Variants in CC2D2A observed in about 807,000 individuals in gnomAD.
CC2D2A encodes the protein coiled-coil and C2 domain containing 2A.
A neutral mutation model predicts 212.9 loss-of-function variants in CC2D2A; 155 were observed. The observed-to-expected ratio is 0.73, with a 90% CI of 0.64 to 0.83. The LOEUF (loss-of-function observed/expected upper bound fraction) is 0.83. Ranked by LOEUF, CC2D2A falls within the 40% of genes least tolerant of loss-of-function variation. CC2D2A has a pLI of 0.00. For missense variants in CC2D2A, 1,856 were observed against 1,956.2 expected, an observed-to-expected ratio of 0.95 and a Z score of 0.97; for synonymous variants, 667 against 686.5, an observed-to-expected ratio of 0.97 and a Z score of 0.44.
chr4:15,493,321 T>C (rs1715427564), intron 4 of CC2D2A, among the ~76,000 whole-genome samples: 1 of 152,096 alleles, frequency 6.6e-6, no homozygotes, highest in Admixed American at 6.6e-5. Flanking sequence ...CAGGCTGGAG[T>C]GCAGTGGTGC....
At chr4:15,525,005 T>C (rs1717432042) in intron 11 of CC2D2A, among the ~76,000 whole-genome samples, 1 of 152,204 alleles carries the variant, frequency 6.6e-6, no homozygotes, top group Non-Finnish European at 1.5e-5. Context: ...TAGGTGTCTT[T>C]CTCCCTAATA....
intron 24 of CC2D2A, 30 bp downstream of exon 24, chr4:15,563,552 A>G: frequency 6.2e-7 from 1 of 1,603,200 alleles, no homozygotes; most frequent in African/African-American, 1.3e-5. Flanking sequence ...CCCGAGATGC[A>G]GTGTGCAGCA....
intron 4 of CC2D2A, among the ~76,000 whole-genome samples, chr4:15,486,142 C>G (rs1297588645): frequency 6.6e-6 from 1 of 151,866 alleles, no homozygotes; most frequent in African/African-American, 2.4e-5. Flanking sequence ...ATGTCTTTGT[C>G]TGGTTTTGGT....
At position 15,502,506 on chromosome 4, in the gene CC2D2A, C is replaced by T. The variant is rs755107436; in HGVS notation, c.325C>T (p.Gln109Ter). 1.2e-6 allele frequency: 2 copies of T among 1,603,628 alleles called. No individual in the cohort carries two copies. The highest frequency in any genetic ancestry group is 2.2e-5 in the East Asian group (1 of 44,790). The change falls in exon 5 of 37, where the codon CAA (glutamine) becomes TAA (stop). Residue 109 changes from glutamine (Q) to a stop codon, truncating the protein, a stop_gained. Transcript: ENST00000424120. LOFTEE classifies it high-confidence loss of function. Reference protein sequence around the residue: ...SMRGRMREKLQAARSKAESAL... With the variant: ...SMRGRMREKL Reference sequence around the variant, plus strand: ...GAGGGGACGCATGAGGGAGAAATTGCAAGCAGCGAGGGTGAGAGAAACCAC... The same window carrying T: ...GAGGGGACGCATGAGGGAGAAATTGTAAGCAGCGAGGGTGAGAGAAACCAC...
At chr4:15,577,852 T>C (rs1385487702) in intron 29 of CC2D2A, among the ~76,000 whole-genome samples, 1 of 152,212 alleles carries the variant, frequency 6.6e-6, no homozygotes, top group Non-Finnish European at 1.5e-5. Flanking sequence ...TGCTTATTAA[T>C]GTTCCCCTGT....
chr4:15,595,007 G>A (rs1414181026), intron 33 of CC2D2A, among the ~76,000 whole-genome samples: 2 of 151,994 alleles, frequency 1.3e-5, no homozygotes, highest in Non-Finnish European at 1.5e-5. Flanking sequence ...GAGATGGGGG[G>A]TCTCACTATG....
At chr4:15,567,255 G>A in intron 24 of CC2D2A, 122 bp from the exon 25 acceptor site, 1 of 716,134 alleles carries the variant, frequency 1.4e-6, no homozygotes. Context: ...CCGAGATCAT[G>A]CCACTGCACT....
intron 36 of CC2D2A, 123 bp from the exon 37 acceptor site, chr4:15,601,114 T>C (rs1721572875): frequency 2.5e-6 from 2 of 793,356 alleles, no homozygotes; most frequent in Admixed American, 2.7e-5. Flanking sequence ...AAAAGCTGAG[T>C]AGAAAAACAC....
chr4:15,485,332 A>C (rs1714935060), intron 4 of CC2D2A, among the ~76,000 whole-genome samples: 1 of 152,212 alleles, frequency 6.6e-6, no homozygotes. Context: ...TGGCTGAATA[A>C]TATTCCATTG....
chr4:15,586,203 C>G lies in CC2D2A; in HGVS notation c.4022C>G (p.Thr1341Ser), dbSNP rs745599580. 5.6e-5 allele frequency: 90 copies of G among 1,609,574 alleles called. No homozygotes were observed. Among genetic ancestry groups the G allele is most frequent in the Non-Finnish European group, 7.6e-5 (89 of 1,177,148 alleles). ...TCCTTGATTCCCTTCTTGCCTGACA[C>G]TGTCTCATTTGGTGGTATCTGTGAC... ...YVSLIPFLPDTVSFGGICDLW... is the reference protein window; with the variant it reads ...YVSLIPFLPDSVSFGGICDLW... Residue 1341 changes from threonine to serine, a missense_variant, in exon 31 of 37, where the codon ACT becomes AGT. Around this residue, in one of 5 missense-constraint regions of CC2D2A, gnomAD observed 20 missense variants for 46.9 expected, o/e 0.43. Transcript: ENST00000424120.
At chr4:15,527,822 A>G (rs530436422) in intron 12 of CC2D2A, among the ~76,000 whole-genome samples, 166 bp downstream of exon 12, 24 of 152,346 alleles carry the variant, frequency 1.6e-4, no homozygotes, top group African/African-American at 5.1e-4. Flanking sequence ...GGAAAGATAG[A>G]GTTGGTATAC....
At chr4:15,479,155 C>A (rs953507275) in intron 3 of CC2D2A, 13 of 1,159,626 alleles carry the variant, frequency 1.1e-5, no homozygotes, top group Admixed American at 4.0e-5. Flanking sequence ...GATGGCAGTA[C>A]ACGATTACAA....
chr4:15,512,081 A>C (rs1716597873), intron 8 of CC2D2A, among the ~76,000 whole-genome samples: 1 of 152,232 alleles, frequency 6.6e-6, no homozygotes. Context: ...GAGGATATGG[A>C]GAAATTGGAC....
At chr4:15,502,761 A>T in intron 5 of CC2D2A, 61 bp from the exon 6 acceptor site, 1 of 1,392,290 alleles carries the variant, frequency 7.2e-7, no homozygotes, top group Non-Finnish European at 1.0e-6. Flanking sequence ...TGTATTTTTT[A>T]CTGATTATTT....
chr4:15,596,944 T>C (rs929239198), intron 34 of CC2D2A, among the ~76,000 whole-genome samples: 2 of 152,164 alleles, frequency 1.3e-5, no homozygotes, highest in Non-Finnish European at 2.9e-5. Context: ...AAATATAAAG[T>C]TAAGGGAGAA....
intron 17 of CC2D2A, among the ~76,000 whole-genome samples, chr4:15,549,802 A>G (rs1718904600): frequency 2.6e-5 from 4 of 152,100 alleles, no homozygotes; most frequent in Admixed American, 2.6e-4. Context: ...GACTCCATCT[A>G]AAAAAAGAAA....
At chr4:15,574,065 T>G in intron 28 of CC2D2A, 85 bp from the exon 29 acceptor site, 13 of 1,194,268 alleles carry the variant, frequency 1.1e-5, no homozygotes, top group Non-Finnish European at 1.5e-5. Context: ...GTTCAATTTA[T>G]TAAACAATGA....
chr4:15,598,132 A>T (rs1343575244), intron 35 of CC2D2A, among the ~76,000 whole-genome samples: 1 of 152,186 alleles, frequency 6.6e-6, no homozygotes, highest in Non-Finnish European at 1.5e-5. Flanking sequence ...TAGAACAACT[A>T]ATCTCCAAAC....
In CC2D2A at chr4:15,559,668, T is replaced by TG. The variant is rs575947981; in HGVS notation, c.2922+411_2922+412insG. ...AGCTGAAACATCCTTTCGTTTGTCC[T>TG]TTTTCCTTCTTTCCTTCCTTCCTTC... is the stretch of plus-strand genomic sequence containing the variant. On this transcript the variant is annotated intron_variant, in intron 22 of 36. Coordinates refer to ENST00000424120, the MANE Select transcript of CC2D2A (RefSeq NM_001378615.1). Among the ~76,000 whole-genome samples, 384 of 151,054 alleles carry TG rather than the reference T, an allele frequency of 2.5e-3. 2 individuals are homozygous for TG. The highest frequency in any genetic ancestry group is 9.0e-3 in the African/African-American group (368 of 40,790).
Sources: allele counts gnomAD v4.1 joint callset (sites outside exome capture counted in the v4.1 genomes callset), GRCh38; gene constraint gnomAD v4.1.1; regional missense constraint gnomAD v4.1.1; transcripts MANE v1.5; gene names NCBI Gene and HGNC (gene_info 2026-07-23, HGNC 2026-07-21).